The following ACADL variants were observed in gnomAD, a reference collection of about 807,000 sequenced individuals.
The protein encoded by ACADL is acyl-CoA dehydrogenase long chain.
A neutral mutation model predicts 56.9 loss-of-function variants in ACADL; 60 were observed. The observed-to-expected ratio is 1.05, with a 90% CI of 0.86 to 1.31. The LOEUF (loss-of-function observed/expected upper bound fraction) is 1.31. Among genes scored for constraint, ACADL ranks in the 50% most tolerant of loss-of-function variants. The pLI is 0.00. For missense variants in ACADL, 484 were observed against 525.5 expected, an observed-to-expected ratio of 0.92 and a Z score of 0.77; for synonymous variants, 158 against 179.7, an observed-to-expected ratio of 0.88 and a Z score of 0.97.
At chr2:210,220,538 T>C (rs1689157985) in intron 2 of ACADL, 109 bp downstream of exon 2, 2 of 1,003,466 alleles carry the variant, frequency 2.0e-6, no homozygotes, top group Non-Finnish European at 1.5e-6. Flanking sequence ...AAAATGTTAA[T>C]AAAGCCCTGA....
At chr2:210,217,731 T>C (rs1281174253) in intron 3 of ACADL, 1 of 503,896 alleles carries the variant, frequency 2.0e-6, no homozygotes, top group Non-Finnish European at 3.5e-6. Context: ...AAAAACTATC[T>C]CTTTAATTTT....
rs143296041 is a variant in ACADL at position 210,207,640 on chromosome 2, T to G, written c.604-1844A>C. Among the ~76,000 whole-genome samples the G allele has an allele frequency of 1.4e-3, 207 of 152,286 alleles. 1 individual carries two copies. The highest frequency in any genetic ancestry group is 1.0e-3 in the Non-Finnish European group (69 of 68,030). ...CTCAAATTTACCAAAATGATCTGTT[T>G]TTATCTCTCTCTCTTTGAAATAGTA... On this transcript the variant is annotated intron_variant, in intron 5 of 10. Coordinates refer to ENST00000233710, the MANE Select transcript of ACADL (RefSeq NM_001608.4).
intron 4 of ACADL, among the ~76,000 whole-genome samples, chr2:210,212,229 G>GC (rs1559639041): frequency 6.6e-6 from 1 of 151,920 alleles, no homozygotes; most frequent in Non-Finnish European, 1.5e-5. Flanking sequence ...TACCTTACAT[G>GC]GAAAAAGAAT....
chr2:210,212,222 C>CTTA (rs368102251), intron 4 of ACADL, among the ~76,000 whole-genome samples: 1 of 151,828 alleles, frequency 6.6e-6, no homozygotes, highest in African/African-American at 2.4e-5. Flanking sequence ...GCTGTTGTAC[C>CTTA]TTACATGGAA....
At chr2:210,212,859 A>G (rs1293395436) in intron 4 of ACADL, among the ~76,000 whole-genome samples, 1 of 152,230 alleles carries the variant, frequency 6.6e-6, no homozygotes, top group Admixed American at 6.5e-5. Flanking sequence ...GAATTAATAT[A>G]GCAGGCCTGA....
chr2:210,199,678 T>G (rs1365363264), intron 8 of ACADL, among the ~76,000 whole-genome samples: 1 of 152,072 alleles, frequency 6.6e-6, no homozygotes, highest in African/African-American at 2.4e-5. Context: ...TGGAAACATG[T>G]CTTTTGGTTC....
In ACADL at chr2:210,225,196, G is replaced by A. The variant is rs1382302721; in HGVS notation, c.68C>T (p.Pro23Leu). 4 of 1,535,696 alleles carry A rather than the reference G, an allele frequency of 2.6e-6. No individual in the cohort carries two copies. Among genetic ancestry groups the A allele is most frequent in the Non-Finnish European group, 3.5e-6 (4 of 1,146,484 alleles). ...LGGHRAPRQL[P>L]AARCSHSGGE... ...CCCGGCTGGCACTCACCGCGCGGCG[G>A]GCAGCTGGCGCGGCGCACGGTGGCC... Residue 23 changes from proline to leucine, a missense_variant, in exon 1 of 11, where the codon CCC (proline) becomes CTC (leucine). Physicochemically the swap from Pro to Leu is moderately conservative, Grantham distance 98. Coordinates refer to ENST00000233710, the MANE Select transcript of ACADL (RefSeq NM_001608.4).
At position 210,192,842 on chromosome 2, in the gene ACADL, A is replaced by G. The variant is rs776849577; in HGVS notation, c.1161T>C (p.His387=). 1.9e-6 allele frequency: 3 copies of G among 1,613,830 alleles called. No homozygotes were observed. Among genetic ancestry groups the G allele is most frequent in the African/African-American group, 1.3e-5 (1 of 75,036 alleles). ...ACTCCCACATGTATCCCCAACCTCC[A>G]TGGAGCTGTACACAGTCGTAAGCTA... ...NSVAYDCVQL[H]GGWGYMWEYP... is the part of the protein sequence containing the mutation. Residue 387 remains histidine, a synonymous_variant, in exon 10 of 11, where the codon CAT becomes CAC. Coordinates refer to ENST00000233710, the MANE Select transcript of ACADL (RefSeq NM_001608.4).
intron 5 of ACADL, among the ~76,000 whole-genome samples, chr2:210,207,519 T>A (rs886197022): frequency 6.6e-5 from 10 of 152,156 alleles, no homozygotes; most frequent in African/African-American, 1.9e-4. Context: ...TTCCCAACTC[T>A]GCTGCAATGA....
At chr2:210,195,435 T>G in intron 8 of ACADL, 97 bp from the exon 9 acceptor site, 17 of 1,278,968 alleles carry the variant, frequency 1.3e-5, no homozygotes, top group Non-Finnish European at 1.7e-5. Context: ...AAAAGATCTT[T>G]AGGGCAAACA....
chr2:210,214,509 A>AAGAAAGAAAGAAAGAAAGAAAGAGAAAG (rs1553690970), intron 4 of ACADL, among the ~76,000 whole-genome samples: 1 of 18,934 alleles, frequency 5.3e-5, no homozygotes, highest in African/African-American at 8.3e-5. Context: ...GAAAGAAAGA[A>AAGAAAGAAAGAAAGAAAGAAAGAGAAAG]AAAGAAAGAA....
At chr2:210,189,119 C>G in intron 10 of ACADL, 65 bp from the exon 11 acceptor site, 3 of 1,165,020 alleles carry the variant, frequency 2.6e-6, no homozygotes, top group South Asian at 1.2e-5. Flanking sequence ...TTTGTCTTAC[C>G]AGGTAACTCA....
Position 210,189,026 on chromosome 2 carries a change from T to C in ACADL, c.1228A>G (p.Ile410Val), listed in dbSNP as rs775497317. 5.0e-6 allele frequency: 8 copies of C among 1,613,370 alleles called. No individual in the cohort carries two copies. The highest frequency in any genetic ancestry group is 2.2e-5 in the East Asian group (1 of 44,782). Residue 410 changes from isoleucine (I) to valine (V), a missense_variant, in exon 11 of 11, where the codon ATC becomes GTC. Ile to Val is a conservative substitution (Grantham distance 29, BLOSUM62 3). Transcript: ENST00000233710. ...ATTATTTCATTTGTACCACCATAGA[T>C]TGGCTGAACTCTGGCATCCACATAA... Reference protein sequence around the residue: ...KAYVDARVQPIYGGTNEIMKE... With the variant: ...KAYVDARVQPVYGGTNEIMKE...
At chr2:210,207,561 G>T (rs1489222510) in intron 5 of ACADL, among the ~76,000 whole-genome samples, 1 of 152,140 alleles carries the variant, frequency 6.6e-6, no homozygotes, top group African/African-American at 2.4e-5. Flanking sequence ...TTAGACATCA[G>T]ATTGGCCAAA....
chr2:210,202,993 T>C (rs1688820325), intron 8 of ACADL, among the ~76,000 whole-genome samples: 1 of 152,228 alleles, frequency 6.6e-6, no homozygotes, highest in Non-Finnish European at 1.5e-5. Flanking sequence ...CCCTACTCCA[T>C]GAAGCCCTCT....
chr2:210,218,126 T>C, intron 2 of ACADL, 24 bp from the exon 3 acceptor site: 3 of 1,588,934 alleles, frequency 1.9e-6, no homozygotes, highest in Non-Finnish European at 2.6e-6. Context: ...ATATTTTAAA[T>C]TCAGATAATT....
chr2:210,207,904 G>C (rs1042956287), intron 5 of ACADL, among the ~76,000 whole-genome samples: 3 of 152,046 alleles, frequency 2.0e-5, no homozygotes, highest in East Asian at 1.9e-4. Flanking sequence ...ATTCTTTTTG[G>C]CACAGAGGAG....
At chr2:210,224,645 T>G (rs1474628349) in intron 1 of ACADL, 1 of 985,592 alleles carries the variant, frequency 1.0e-6, no homozygotes, top group Non-Finnish European at 1.2e-6. Flanking sequence ...GATGGAACCC[T>G]CGCCAGGTCA....
chr2:210,189,055 C>G lies in ACADL; in HGVS notation c.1200-1G>C. 6.2e-7 allele frequency: 1 copy of G among 1,600,026 alleles called. No homozygotes were observed. Among genetic ancestry groups the G allele is most frequent in the Non-Finnish European group, 8.6e-7 (1 of 1,167,518 alleles). On this transcript the variant is annotated splice_acceptor_variant, in intron 10 of 10. Transcript: ENST00000233710. LOFTEE classifies it high-confidence loss of function. ...CTGAACTCTGGCATCCACATAAGCT[C>G]TGGATAAATCAGATGATTGAATGAA...
Sources: gnomAD v4.1 joint callset for allele counts (sites outside exome capture counted in the v4.1 genomes callset) on GRCh38, gnomAD v4.1.1 for gene constraint, MANE v1.5 for transcripts, NCBI Gene and HGNC (gene_info 2026-07-23, HGNC 2026-07-21) for gene names.